Variants in CTIF observed in about 807,000 individuals in gnomAD.
CTIF encodes CBP80/20-dependent translation initiation factor.
In CTIF, 21 loss-of-function variants were observed where a neutral mutation model predicts 66.0. That is an observed-to-expected ratio of 0.32 (90% CI 0.23 to 0.46). CTIF has a LOEUF of 0.46. Among genes scored for constraint, CTIF ranks in the 20% least tolerant of loss-of-function variants. The probability of loss-of-function intolerance (pLI) is 1.00; values close to 1 mark genes in which losing one functional copy is unlikely to be tolerated. For missense variants in CTIF, 739 were observed against 812.7 expected, an observed-to-expected ratio of 0.91 and a Z score of 1.10; for synonymous variants, 345 against 326.4, an observed-to-expected ratio of 1.06 and a Z score of -0.62.
chr18:48,735,683 A>C (rs1381135131), intron 7 of CTIF, among the ~76,000 whole-genome samples: 1 of 152,090 alleles, frequency 6.6e-6, no homozygotes, highest in African/African-American at 2.4e-5. Flanking sequence ...CCCAGTTCCT[A>C]CCCATTTAGT....
At position 48,761,820 on chromosome 18, in the gene CTIF, T is replaced by C. The variant is rs193189223; in HGVS notation, c.1371+131T>C. 3.3e-5 allele frequency: 31 copies of C among 935,994 alleles called. No homozygotes were observed. The highest frequency in any genetic ancestry group is 4.2e-5 in the Non-Finnish European group (27 of 639,912). 58.0% of individuals were successfully genotyped at this position (935,994 alleles called of 1,614,324 possible). Reference sequence around the variant, plus strand: ...CCAAGTTCCGCCCTTGCCCGATTAATTATAGAAAACACAAAGGCAGTTAAG... The same window carrying C: ...CCAAGTTCCGCCCTTGCCCGATTAACTATAGAAAACACAAAGGCAGTTAAG... On this transcript the variant is annotated intron_variant, in intron 9 of 11. Transcript: ENST00000256413. This position sits in a 1 kb window ranked among gnomAD's most constrained non-coding sequence, Gnocchi z 4.2.
chr18:48,847,428 A>C (rs1399889370), intron 10 of CTIF, among the ~76,000 whole-genome samples: 6 of 152,054 alleles, frequency 3.9e-5, no homozygotes. Flanking sequence ...AGCACCTTCC[A>C]TTTCCACTTA....
intron 10 of CTIF, among the ~76,000 whole-genome samples, chr18:48,832,498 G>T (rs529686138): frequency 6.6e-6 from 1 of 152,318 alleles, no homozygotes; most frequent in African/African-American, 2.4e-5. Flanking sequence ...GGCTGTGGCA[G>T]GGGTGGCCAG....
At chr18:48,657,744 G>A (rs1056761828) in intron 3 of CTIF, among the ~76,000 whole-genome samples, 22 of 152,176 alleles carry the variant, frequency 1.4e-4, no homozygotes, top group African/African-American at 3.9e-4. Context: ...ATGGGAGTGG[G>A]AGGGTGTGGA....
In CTIF at chr18:48,752,934, A is replaced by G. The variant is rs145901277; in HGVS notation, c.585-4985A>G. Among the ~76,000 whole-genome samples the G allele has an allele frequency of 5.0e-3, 761 of 152,230 alleles. 2 individuals carry two copies. Among genetic ancestry groups the G allele is most frequent in the Middle Eastern group, 0.041 (12 of 292 alleles). On this transcript the variant is annotated intron_variant, in intron 7 of 11. Coordinates refer to ENST00000256413, the MANE Select transcript of CTIF (RefSeq NM_014772.3). ...ATACTTTTCCTTTTTAAGCTTCCCC[A>G]TCATTCTGCAAACTGGGGTGGGTGT...
intron 7 of CTIF, chr18:48,756,221 C>G (rs1908348819): frequency 6.6e-6 from 1 of 152,172 alleles, no homozygotes; most frequent in African/African-American, 2.4e-5. Context: ...GGGGCCTAGA[C>G]AGTGACAAGG....
chr18:48,754,737 G>A (rs1224630411), intron 7 of CTIF, among the ~76,000 whole-genome samples: 2 of 152,260 alleles, frequency 1.3e-5, no homozygotes, highest in African/African-American at 4.8e-5. Flanking sequence ...GCAAGGGTGA[G>A]CCTGAGAACG....
At chr18:48,593,793 AG>A (rs2144020814) in intron 1 of CTIF, among the ~76,000 whole-genome samples, 1 of 151,662 alleles carries the variant, frequency 6.6e-6, no homozygotes, top group South Asian at 2.1e-4. Context: ...TATAGGAATG[AG>A]GCCTATAGAT....
chr18:48,557,400 T>C (rs1322438375), intron 1 of CTIF, among the ~76,000 whole-genome samples: 2 of 152,154 alleles, frequency 1.3e-5, no homozygotes, highest in East Asian at 1.9e-4. Context: ...CCCTGGAGTT[T>C]TCTGAATGGA....
At chr18:48,548,109 T>G (rs1200627872) in intron 1 of CTIF, among the ~76,000 whole-genome samples, 1 of 152,148 alleles carries the variant, frequency 6.6e-6, no homozygotes, top group Non-Finnish European at 1.5e-5. Flanking sequence ...GAGGCAGAGA[T>G]ATGGTAATGC....
chr18:48,817,626 A>G (rs574803639), intron 10 of CTIF, among the ~76,000 whole-genome samples: 8 of 152,106 alleles, frequency 5.3e-5, no homozygotes, highest in Non-Finnish European at 1.0e-4. Flanking sequence ...AAATGCAAAA[A>G]TTAACCAGGC....
chr18:48,632,119 ATAG>A (rs1202469349), intron 2 of CTIF, among the ~76,000 whole-genome samples: 11 of 152,176 alleles, frequency 7.2e-5, no homozygotes, highest in African/African-American at 2.7e-4. Context: ...GAACTTCGGA[ATAG>A]GGAAGGGAGG....
At chr18:48,767,033 A>G (rs1909633397) in intron 9 of CTIF, among the ~76,000 whole-genome samples, 1 of 121,686 alleles carries the variant, frequency 8.2e-6, no homozygotes, top group East Asian at 3.7e-4. Flanking sequence ...GCTGGGCCAC[A>G]CTTCGCAGTT....
At chr18:48,572,457 T>G (rs1206986011) in intron 1 of CTIF, among the ~76,000 whole-genome samples, 1 of 152,126 alleles carries the variant, frequency 6.6e-6, no homozygotes, top group African/African-American at 2.4e-5. Flanking sequence ...GAGGTAAAGA[T>G]GAGTCCTCTC....
At chr18:48,580,688 G>T (rs1171375399) in intron 1 of CTIF, among the ~76,000 whole-genome samples, 1 of 152,160 alleles carries the variant, frequency 6.6e-6, no homozygotes, top group Non-Finnish European at 1.5e-5. Context: ...CCTGTTTACC[G>T]GACCGTCGTC....
chr18:48,553,531 G>A (rs115436414), intron 1 of CTIF, among the ~76,000 whole-genome samples: 2,720 of 152,316 alleles, frequency 0.018, 75 homozygotes, highest in African/African-American at 0.062. Flanking sequence ...CAGCCGCCCA[G>A]CTCCTGGCTC....
At chr18:48,821,594 T>C (rs1375937162) in intron 10 of CTIF, among the ~76,000 whole-genome samples, 1 of 152,356 alleles carries the variant, frequency 6.6e-6, no homozygotes, top group East Asian at 1.9e-4. Flanking sequence ...TTGCCCCAAC[T>C]AACATGCCAA....
chr18:48,593,480 A>G (rs1017370939), intron 1 of CTIF, among the ~76,000 whole-genome samples: 4 of 149,922 alleles, frequency 2.7e-5, no homozygotes, highest in African/African-American at 7.4e-5. Context: ...TCCCGGGTTC[A>G]TGCCATTCTC....
chr18:48,618,174 C>T lies in CTIF; in HGVS notation c.-28-1364C>T, dbSNP rs1407796022. On this transcript the variant is annotated intron_variant, in intron 1 of 11. Coordinates refer to ENST00000256413, the MANE Select transcript of CTIF (RefSeq NM_014772.3). ...CGCTGCAGTGAAAACACTCAACAAACCCTAGATTATTGGCAAATAACTGTG... is the reference window on the plus strand; with the variant it reads ...CGCTGCAGTGAAAACACTCAACAAATCCTAGATTATTGGCAAATAACTGTG... Among the ~76,000 whole-genome samples, 9 of 152,326 alleles carry T rather than the reference C, an allele frequency of 5.9e-5. No homozygotes were observed. The South Asian group carries it at 1.2e-3, about 21-fold the overall frequency.
Sources: allele counts gnomAD v4.1 joint callset (sites outside exome capture counted in the v4.1 genomes callset), GRCh38; gene constraint gnomAD v4.1.1; non-coding constraint Gnocchi (gnomAD v3.1); transcripts MANE v1.5; gene names NCBI Gene and HGNC (gene_info 2026-07-23, HGNC 2026-07-21).